SDHB: variants seen among roughly 807,000 people sequenced by gnomAD.
SDHB encodes succinate dehydrogenase complex iron sulfur subunit B.
A neutral mutation model predicts 39.7 loss-of-function variants in SDHB; 21 were observed. That is an observed-to-expected ratio of 0.53 (90% confidence interval 0.37 to 0.76). SDHB has a LOEUF of 0.76. Ranked by LOEUF, SDHB falls within the 30% of genes least tolerant of loss-of-function variation. SDHB has a pLI of 0.00. For missense variants in SDHB, 343 were observed against 350.9 expected, an observed-to-expected ratio of 0.98 and a Z score of 0.18; for synonymous variants, 118 against 117.0, an observed-to-expected ratio of 1.01 and a Z score of -0.06.
At chr1:17,033,027 G>A in intron 3 of SDHB, 33 bp downstream of exon 3, 5 of 1,550,220 alleles carry the variant, frequency 3.2e-6, no homozygotes, top group Non-Finnish European at 4.5e-6. Flanking sequence ...AAGACCACAA[G>A]TATCTGGAGC....
chr1:17,052,852 T>C (rs2078156317), intron 1 of SDHB, among the ~76,000 whole-genome samples: 1 of 152,196 alleles, frequency 6.6e-6, no homozygotes, highest in African/African-American at 2.4e-5. Flanking sequence ...GGAACTAAAA[T>C]TTCTTGGACA....
At chr1:17,018,996 CTG>C (rs1174821914) in intron 7 of SDHB, 38 bp from the exon 8 acceptor site, 1 of 1,487,830 alleles carries the variant, frequency 6.7e-7, no homozygotes. Context: ...CAAATGATAA[CTG>C]AAACTGAAAG....
At chr1:17,047,627 G>A (rs1031329154) in intron 1 of SDHB, among the ~76,000 whole-genome samples, 3 of 150,756 alleles carry the variant, frequency 2.0e-5, no homozygotes, top group Non-Finnish European at 2.9e-5. Context: ...AGGTTGCAGT[G>A]AGCTAAGACT....
chr1:17,026,196 T>C (rs1055593208), intron 5 of SDHB, among the ~76,000 whole-genome samples: 3 of 152,162 alleles, frequency 2.0e-5, no homozygotes, highest in South Asian at 4.1e-4. Context: ...GCCTGGACTC[T>C]GGGATGCACA....
At chr1:17,045,227 T>C in intron 1 of SDHB, 1 of 326,212 alleles carries the variant, frequency 3.1e-6, no homozygotes, top group Non-Finnish European at 5.9e-6. Context: ...TCTGGATGAA[T>C]ACAGCAGAGA....
chr1:17,027,368 G>A (rs1429637929), intron 5 of SDHB, among the ~76,000 whole-genome samples: 2 of 152,226 alleles, frequency 1.3e-5, no homozygotes, highest in Admixed American at 6.5e-5. Flanking sequence ...TGTAAAGCAG[G>A]ACGGTGGTAG....
chr1:17,049,789 G>C (rs2078135230), intron 1 of SDHB, among the ~76,000 whole-genome samples: 1 of 150,858 alleles, frequency 6.6e-6, no homozygotes, highest in Admixed American at 6.6e-5. Flanking sequence ...GGGATTACAG[G>C]CGCGTGTCAC....
intron 2 of SDHB, among the ~76,000 whole-genome samples, chr1:17,037,994 C>T (rs1276863680): frequency 1.3e-5 from 2 of 152,204 alleles, no homozygotes; most frequent in Non-Finnish European, 2.9e-5. Flanking sequence ...AAAGAATTAG[C>T]TGGGCGTAGT....
At chr1:17,021,985 T>A (rs1028150890) in intron 7 of SDHB, among the ~76,000 whole-genome samples, 1 of 152,192 alleles carries the variant, frequency 6.6e-6, no homozygotes, top group African/African-American at 2.4e-5. Context: ...TGGCCTCTGA[T>A]GTGCAGGCAT....
chr1:17,041,534 C>T (rs941141376), intron 2 of SDHB, among the ~76,000 whole-genome samples: 8 of 151,866 alleles, frequency 5.3e-5, no homozygotes, highest in East Asian at 3.9e-4. Context: ...GTGTGACGCG[C>T]GCCTGTAGTC....
intron 5 of SDHB, 148 bp downstream of exon 5, chr1:17,027,601 G>T: frequency 1.4e-6 from 1 of 714,642 alleles, no homozygotes; most frequent in Non-Finnish European, 2.6e-6. Flanking sequence ...CCGGCCCTAA[G>T]AGGATGAGTG....
chr1:17,042,912 C>CTT (rs1440236293), intron 2 of SDHB, among the ~76,000 whole-genome samples: 1 of 124,426 alleles, frequency 8.0e-6, no homozygotes, highest in Admixed American at 8.2e-5. Flanking sequence ...TAGAAGTGTA[C>CTT]TTTTTTTTAG....
At chr1:17,050,987 A>G (rs996450893) in intron 1 of SDHB, among the ~76,000 whole-genome samples, 1 of 152,236 alleles carries the variant, frequency 6.6e-6, no homozygotes, top group Non-Finnish European at 1.5e-5. Flanking sequence ...AAAGACGAGG[A>G]TAGGATCATA....
chr1:17,022,889 G>A (rs2077969965), intron 6 of SDHB, 159 bp from the exon 7 acceptor site: 1 of 909,510 alleles, frequency 1.1e-6, no homozygotes, highest in Non-Finnish European at 1.7e-6. Context: ...TCAAGGAAAG[G>A]TTCCCAACAC....
intron 7 of SDHB, among the ~76,000 whole-genome samples, chr1:17,022,271 C>T (rs1396508655): frequency 6.6e-6 from 1 of 152,206 alleles, no homozygotes; most frequent in East Asian, 1.9e-4. Flanking sequence ...AAATGAAGTC[C>T]TCACAGCTGC....
rs1280266052 is a variant in SDHB at position 17,038,979 on chromosome 1, A to G, written c.200+5782T>C. 9.2e-5 allele frequency among the ~76,000 whole-genome samples: 14 copies of G among 152,164 alleles called. No individual in the cohort carries two copies. The South Asian group carries it at 2.9e-3, about 32-fold the overall frequency. On this transcript the variant is annotated intron_variant, in intron 2 of 7. Transcript: ENST00000375499. ...GTGAATCACATTGATTTTCAAATGT[A>G]TTTCTTTATTTTTTCTTGCGCTTTT...
intron 5 of SDHB, among the ~76,000 whole-genome samples, chr1:17,026,730 G>T (rs1306049186): frequency 2.6e-5 from 4 of 152,102 alleles, no homozygotes; most frequent in African/African-American, 9.7e-5. Flanking sequence ...AGTCTCAAAA[G>T]GTAGAATTAA....
At chr1:17,045,814 T>C (rs2078106748) in intron 1 of SDHB, among the ~76,000 whole-genome samples, 1 of 152,172 alleles carries the variant, frequency 6.6e-6, no homozygotes, top group East Asian at 1.9e-4. Context: ...CAAGTCTTCA[T>C]TTGCATAGGG....
Position 17,028,675 on chromosome 1 carries a change from C to T in SDHB, c.348G>A (p.Arg116=). 6.2e-7 allele frequency: 1 copy of T among 1,614,146 alleles called. No homozygotes were observed. The highest frequency in any genetic ancestry group is 8.5e-7 in the Non-Finnish European group (1 of 1,180,006). Residue 116 remains arginine (R), a synonymous_variant, in exon 4 of 8, where the codon AGG becomes AGA. Coordinates refer to ENST00000375499, the MANE Select transcript of SDHB (RefSeq NM_003000.3). ...NGGNTLACTR[R]IDTNLNKVSK... is the part of the protein sequence containing the mutation. ...AGACCTTATTGAGGTTGGTGTCAAT[C>T]CTTCGGGTGCAAGCTAGAGTGTTGC...
Sources: gnomAD v4.1 joint callset for allele counts (sites outside exome capture counted in the v4.1 genomes callset) on GRCh38, gnomAD v4.1.1 for gene constraint, MANE v1.5 for transcripts, NCBI Gene and HGNC (gene_info 2026-07-23, HGNC 2026-07-21) for gene names.